The following PTK2 variants were observed in gnomAD, a reference collection of about 807,000 sequenced individuals.
PTK2 encodes the protein focal adhesion kinase 1.
In PTK2, 45 loss-of-function variants were observed where a neutral mutation model predicts 150.1. The ratio of observed to expected loss-of-function variants is 0.30; its 90% CI spans 0.24 to 0.38. The LOEUF (loss-of-function observed/expected upper bound fraction) is 0.38. PTK2 is among the 10% of genes least tolerant of loss of function. The probability of loss-of-function intolerance (pLI) is 1.00; values close to 1 mark genes in which losing one functional copy is unlikely to be tolerated. For missense variants in PTK2, 919 were observed against 1,307.3 expected, an observed-to-expected ratio of 0.70 and a Z score of 4.58; for synonymous variants, 432 against 449.2, an observed-to-expected ratio of 0.96 and a Z score of 0.48.
intron 7 of PTK2, 50 bp from the exon 8 acceptor site, chr8:140,830,576 AAT>A (rs2100114790): frequency 9.3e-7 from 1 of 1,078,434 alleles, no homozygotes; most frequent in African/African-American, 1.6e-5. Context: ...CAAATCAATT[AAT>A]ATGACAAACT....
intron 2 of PTK2, among the ~76,000 whole-genome samples, chr8:140,915,970 A>G (rs553560020): frequency 1.6e-4 from 24 of 152,250 alleles, no homozygotes; most frequent in African/African-American, 5.8e-4. Context: ...AATTACATAC[A>G]AAGAGGAAAA....
chr8:140,840,313 G>C (rs1347297892), intron 7 of PTK2, among the ~76,000 whole-genome samples: 1 of 152,132 alleles, frequency 6.6e-6, no homozygotes, highest in African/African-American at 2.4e-5. Flanking sequence ...CAGTGTGCTG[G>C]GATTATAGGT....
intron 1 of PTK2, among the ~76,000 whole-genome samples, chr8:140,966,760 T>C (rs981057273): frequency 6.6e-6 from 1 of 152,218 alleles, no homozygotes; most frequent in Non-Finnish European, 1.5e-5. Context: ...TTAAGATGGA[T>C]ATTCCCTACC....
At chr8:140,847,415 CAA>C (rs2100126236) in intron 5 of PTK2, among the ~76,000 whole-genome samples, 1 of 152,150 alleles carries the variant, frequency 6.6e-6, no homozygotes, top group Admixed American at 6.5e-5. Flanking sequence ...AGAGTGATAT[CAA>C]TACGTGCAAG....
At chr8:140,707,506 A>G (rs2100034486) in intron 23 of PTK2, among the ~76,000 whole-genome samples, 1 of 152,090 alleles carries the variant, frequency 6.6e-6, no homozygotes, top group Non-Finnish European at 1.5e-5. Context: ...CCCGGGTTTG[A>G]GTGATTCTCG....
intron 26 of PTK2, among the ~76,000 whole-genome samples, chr8:140,691,227 T>C (rs1179020153): frequency 1.3e-5 from 2 of 151,750 alleles, no homozygotes; most frequent in Non-Finnish European, 2.9e-5. Flanking sequence ...TTATCCAGGC[T>C]GGTCTTAAAC....
chr8:140,727,577 C>T (rs984450344), intron 22 of PTK2, among the ~76,000 whole-genome samples: 16 of 150,952 alleles, frequency 1.1e-4, no homozygotes, highest in Admixed American at 2.6e-4. Flanking sequence ...AATACAAAAT[C>T]GCTTAAAAAA....
intron 13 of PTK2, among the ~76,000 whole-genome samples, chr8:140,793,108 G>A (rs1338782816): frequency 2.0e-5 from 3 of 152,016 alleles, no homozygotes; most frequent in Non-Finnish European, 4.4e-5. Flanking sequence ...TTAACAACAG[G>A]CTCTCAACAT....
intron 4 of PTK2, among the ~76,000 whole-genome samples, chr8:140,873,376 G>T (rs1388065898): frequency 6.6e-6 from 1 of 152,162 alleles, no homozygotes; most frequent in Non-Finnish European, 1.5e-5. Context: ...AGTTGACAGT[G>T]CCTTCTATGT....
intron 10 of PTK2, among the ~76,000 whole-genome samples, chr8:140,810,067 C>T (rs2100100530): frequency 6.6e-6 from 1 of 152,182 alleles, no homozygotes; most frequent in African/African-American, 2.4e-5. Context: ...AGACTCATTC[C>T]TGGCCCACAA....
intron 16 of PTK2, among the ~76,000 whole-genome samples, chr8:140,754,880 A>G (rs1383589709): frequency 2.0e-5 from 3 of 152,256 alleles, no homozygotes; most frequent in Non-Finnish European, 4.4e-5. Context: ...AAGTAAGACC[A>G]GAACGTGTGC....
chr8:140,993,968 G>A (rs951372490), intron 1 of PTK2, among the ~76,000 whole-genome samples: 4 of 151,962 alleles, frequency 2.6e-5, no homozygotes, highest in South Asian at 2.1e-4. Context: ...GGGCTCAAGC[G>A]ATCTGTCCAC....
chr8:140,683,172 C>T (rs2100018007), intron 27 of PTK2, among the ~76,000 whole-genome samples: 1 of 152,046 alleles, frequency 6.6e-6, no homozygotes, highest in Non-Finnish European at 1.5e-5. Flanking sequence ...GGGGACATTA[C>T]CACCAACCCC....
chr8:140,771,617 A>G (rs187192452), intron 14 of PTK2, among the ~76,000 whole-genome samples: 1 of 152,298 alleles, frequency 6.6e-6, no homozygotes, highest in African/African-American at 2.4e-5. Flanking sequence ...GGTATCATAA[A>G]GAAAGATCAG....
chr8:140,970,096 G>A lies in PTK2; in HGVS notation c.-122+31029C>T, dbSNP rs535265351. ...CCCAGCAGCTTCGGAGAAACTCCAAGAACCATCCACTTCAACCACAGCAGC... is the reference window on the plus strand; with the variant it reads ...CCCAGCAGCTTCGGAGAAACTCCAAAAACCATCCACTTCAACCACAGCAGC... On this transcript the variant is annotated intron_variant, in intron 1 of 31. Coordinates refer to ENST00000522684, the Ensembl canonical transcript of PTK2. 4.6e-5 allele frequency among the ~76,000 whole-genome samples: 7 copies of A among 152,364 alleles called. No homozygotes were observed. The South Asian group carries it at 1.2e-3, about 27-fold the overall frequency.
intron 14 of PTK2, among the ~76,000 whole-genome samples, chr8:140,773,246 T>A (rs1271696425): frequency 6.6e-6 from 1 of 152,240 alleles, no homozygotes; most frequent in Non-Finnish European, 1.5e-5. Flanking sequence ...GTATTCAAGA[T>A]AATCATTTTA....
intron 12 of PTK2, among the ~76,000 whole-genome samples, chr8:140,795,835 T>C (rs2100091233): frequency 6.6e-6 from 1 of 152,336 alleles, no homozygotes; most frequent in South Asian, 2.1e-4. Flanking sequence ...GCACATTGTA[T>C]TCCCCTGAAC....
chr8:140,987,521 T>C (rs755510558), intron 1 of PTK2, among the ~76,000 whole-genome samples: 1 of 152,186 alleles, frequency 6.6e-6, no homozygotes, highest in African/African-American at 2.4e-5. Flanking sequence ...CACAGAGATA[T>C]GCGGATGGCA....
chr8:140,791,990 A>G (rs2100088765), intron 13 of PTK2, among the ~76,000 whole-genome samples: 1 of 152,208 alleles, frequency 6.6e-6, no homozygotes, highest in Non-Finnish European at 1.5e-5. Flanking sequence ...ATATTTAATT[A>G]GGAAAGCTTC....
Sources: allele counts gnomAD v4.1 joint callset (sites outside exome capture counted in the v4.1 genomes callset), GRCh38; gene constraint gnomAD v4.1.1; transcripts MANE v1.5; gene names NCBI Gene and HGNC (gene_info 2026-07-23, HGNC 2026-07-21).